The following MECOM variants were observed in gnomAD, a reference collection of about 807,000 sequenced individuals.
MECOM encodes the protein MDS1 and EVI1 complex locus, also known as histone-lysine N-methyltransferase MECOM.
MECOM carries 13 observed loss-of-function variants against 116.3 expected under a neutral mutation model. That is an observed-to-expected ratio of 0.11 (90% CI 0.07 to 0.18). MECOM has a LOEUF of 0.18. Among genes scored for constraint, MECOM ranks in the 10% least tolerant of loss-of-function variants. The pLI, the probability that MECOM is intolerant of heterozygous loss-of-function variation, is 1.00. For missense variants in MECOM, 1,299 were observed against 1,509.0 expected (o/e 0.86, Z 2.31); for synonymous variants, 528 against 535.2 (o/e 0.99, Z 0.19).
intron 1 of MECOM, among the ~76,000 whole-genome samples, chr3:169,487,876 C>T (rs1752594928): frequency 6.6e-6 from 1 of 151,910 alleles, no homozygotes; most frequent in South Asian, 2.1e-4. Context: ...AGAGTGGTTA[C>T]ATTAATATGA....
At chr3:169,447,935 G>A (rs1297679610) in intron 1 of MECOM, 1 of 152,298 alleles carries the variant, frequency 6.6e-6, no homozygotes, top group African/African-American at 2.4e-5. Flanking sequence ...AAGCTGAAAT[G>A]GTAAGTCAGA....
intron 1 of MECOM, among the ~76,000 whole-genome samples, chr3:169,642,735 A>G (rs1331510245): frequency 6.7e-6 from 1 of 148,284 alleles, no homozygotes; most frequent in Non-Finnish European, 1.5e-5. Context: ...ACAAAGGTTA[A>G]TTAAAAAAAA....
rs1006267103 is a variant in MECOM at position 169,392,865 on chromosome 3, T to A, written c.38-11341A>T. On this transcript the variant is annotated intron_variant, in intron 1 of 16. Coordinates refer to ENST00000651503, the MANE Select transcript of MECOM (RefSeq NM_004991.4). The stretch of plus-strand genomic sequence containing the variant: ...TTATTTCTGAGTATCACTAAGCTCT[T>A]CATAGTAACGTGAGCATCAGAATAT... 8.5e-5 allele frequency among the ~76,000 whole-genome samples: 13 copies of A among 152,192 alleles called. 1 individual carries two copies. The highest frequency in any genetic ancestry group is 3.1e-4 in the African/African-American group (13 of 41,446).
chr3:169,108,033 C>A, intron 9 of MECOM, 81 bp from the exon 10 acceptor site: 1 of 1,188,378 alleles, frequency 8.4e-7, no homozygotes, highest in African/African-American at 1.5e-5. Flanking sequence ...GAGAAATTAA[C>A]ATTTGTACTA....
chr3:169,115,377 G>T lies in MECOM; in HGVS notation c.2489+6C>A, dbSNP rs370667993. On this transcript the variant is annotated splice_donor_region_variant and intron_variant, in intron 8 of 16. Coordinates refer to ENST00000651503, the MANE Select transcript of MECOM (RefSeq NM_004991.4). ...TCATATTTCGTCATCTTCCATACAC[G>T]CTTACCTGTAAATAGGGTCCATAAA... 1 of 1,612,188 alleles carries T rather than the reference G, an allele frequency of 6.2e-7. No homozygotes were observed. Among genetic ancestry groups the T allele is most frequent in the Non-Finnish European group, 8.5e-7 (1 of 1,179,090 alleles).
intron 1 of MECOM, among the ~76,000 whole-genome samples, chr3:169,621,306 AGTT>A (rs1239059490): frequency 6.6e-6 from 1 of 152,146 alleles, no homozygotes; most frequent in Non-Finnish European, 1.5e-5. Flanking sequence ...TGCCTCATTG[AGTT>A]GTTGTGAGGA....
At chr3:169,147,571 TAGGG>T (rs1740286429) in intron 2 of MECOM, 1 of 985,252 alleles carries the variant, frequency 1.0e-6, no homozygotes, top group Admixed American at 6.1e-5. Flanking sequence ...CCAAGTCCTA[TAGGG>T]ACAGACTGAT....
intron 16 of MECOM, among the ~76,000 whole-genome samples, chr3:169,088,660 G>A (rs1031077434): frequency 1.3e-5 from 2 of 152,004 alleles, no homozygotes; most frequent in East Asian, 1.9e-4. Context: ...GTATAGACAC[G>A]GAAAATGACT....
At chr3:169,233,967 G>A (rs1285785755) in intron 2 of MECOM, among the ~76,000 whole-genome samples, 3 of 152,020 alleles carry the variant, frequency 2.0e-5, no homozygotes. Context: ...TTACTTGAAA[G>A]TGACACAAAG....
At chr3:169,585,656 T>G (rs533633806) in intron 1 of MECOM, among the ~76,000 whole-genome samples, 2 of 152,130 alleles carry the variant, frequency 1.3e-5, no homozygotes, top group African/African-American at 4.8e-5. Flanking sequence ...ACCGCAGAGG[T>G]TGTTAACTAT....
chr3:169,170,183 C>G (rs1441858570), intron 2 of MECOM, among the ~76,000 whole-genome samples: 3 of 151,932 alleles, frequency 2.0e-5, no homozygotes, highest in South Asian at 4.2e-4. Context: ...GAGGCCAAGG[C>G]GGGTGGATCA....
chr3:169,247,528 T>A (rs1377777647), intron 2 of MECOM, among the ~76,000 whole-genome samples: 1 of 152,196 alleles, frequency 6.6e-6, no homozygotes, highest in Non-Finnish European at 1.5e-5. Flanking sequence ...GGTCTTGAAC[T>A]CCCGACCTCA....
At chr3:169,138,436 C>T (rs531006106) in intron 3 of MECOM, among the ~76,000 whole-genome samples, 1 of 152,216 alleles carries the variant, frequency 6.6e-6, no homozygotes, top group East Asian at 1.9e-4. Flanking sequence ...AAATGGCAAA[C>T]TATGTTTGAA....
chr3:169,432,965 C>T (rs1560267292), intron 1 of MECOM, among the ~76,000 whole-genome samples: 2 of 152,152 alleles, frequency 1.3e-5, no homozygotes, highest in Admixed American at 1.3e-4. Flanking sequence ...GCAAAAAGCT[C>T]ATATTTGATT....
chr3:169,260,173 T>C (rs1757372881), intron 2 of MECOM, among the ~76,000 whole-genome samples: 1 of 152,214 alleles, frequency 6.6e-6, no homozygotes, highest in Admixed American at 6.5e-5. Flanking sequence ...TTGGACTCCC[T>C]GACATTTGGT....
chr3:169,126,722 T>C (rs1052891176), intron 5 of MECOM, among the ~76,000 whole-genome samples: 3 of 152,074 alleles, frequency 2.0e-5, no homozygotes, highest in Admixed American at 1.3e-4. Context: ...CTTTTAGTCA[T>C]TTATGCCTTA....
intron 16 of MECOM, among the ~76,000 whole-genome samples, chr3:169,088,753 T>C (rs1189919007): frequency 2.0e-5 from 3 of 152,142 alleles, no homozygotes; most frequent in African/African-American, 4.8e-5. Flanking sequence ...CAAGGAAAGA[T>C]AAGTGTAGGA....
At chr3:169,335,116 C>G (rs1337841849) in intron 2 of MECOM, among the ~76,000 whole-genome samples, 2 of 152,088 alleles carry the variant, frequency 1.3e-5, no homozygotes, top group African/African-American at 2.4e-5. Flanking sequence ...GGCTATCATT[C>G]TATTTTTCAC....
chr3:169,450,080 G>T (rs1371739074), intron 1 of MECOM, among the ~76,000 whole-genome samples: 1 of 152,088 alleles, frequency 6.6e-6, no homozygotes, highest in East Asian at 1.9e-4. Flanking sequence ...TCTGTCTAGG[G>T]AATAAAGAAT....
Sources: allele counts gnomAD v4.1 joint callset (sites outside exome capture counted in the v4.1 genomes callset), GRCh38; gene constraint gnomAD v4.1.1; transcripts MANE v1.5; gene names NCBI Gene and HGNC (gene_info 2026-07-23, HGNC 2026-07-21).